Variants in WDFY4 observed in about 807,000 individuals in gnomAD.
WDFY4 encodes WDFY family member 4.
WDFY4 carries 169 observed loss-of-function variants against 351.9 expected under a neutral mutation model. The observed-to-expected ratio is 0.48, with a 90% CI of 0.42 to 0.55. The LOEUF (loss-of-function observed/expected upper bound fraction) is 0.55. Ranked by LOEUF, WDFY4 falls within the 20% of genes least tolerant of loss-of-function variation. The pLI is 0.00. For missense variants in WDFY4, 3,803 were observed against 3,935.6 expected (o/e 0.97, Z 0.90); for synonymous variants, 1,622 against 1,574.6 (o/e 1.03, Z -0.71).
chr10:48,833,017 G>T (rs565413364), intron 39 of WDFY4, among the ~76,000 whole-genome samples: 29 of 151,868 alleles, frequency 1.9e-4, no homozygotes, highest in Non-Finnish European at 3.8e-4. Context: ...GAGACACAGG[G>T]TTGGGCCACT....
intron 47 of WDFY4, among the ~76,000 whole-genome samples, chr10:48,922,172 A>C (rs1452747483): frequency 1.3e-5 from 2 of 152,198 alleles, no homozygotes; most frequent in Non-Finnish European, 2.9e-5. Context: ...TAAATGGAAA[A>C]CCCCAGAAAT....
At chr10:48,774,273 G>GC (rs781276515) in intron 13 of WDFY4, among the ~76,000 whole-genome samples, 185 bp from the exon 14 acceptor site, 77 of 136,026 alleles carry the variant, frequency 5.7e-4, no homozygotes, top group South Asian at 1.6e-3. Context: ...CCACAGACTT[G>GC]CCCCCCGCCA....
Position 48,731,572 on chromosome 10 carries a change from G to A in WDFY4, c.1582+10G>A. ...ATCATGAGGAAGTCAGGTGCCACTG[G>A]GTGCATTGGGAGGGATGGGCAGGGG... On this transcript the variant is annotated intron_variant, in intron 9 of 61. Transcript: ENST00000325239. The A allele has an allele frequency of 6.5e-7, 1 of 1,547,320 alleles. No homozygotes were observed.
chr10:48,903,866 G>T (rs1260778901), intron 47 of WDFY4, among the ~76,000 whole-genome samples: 2 of 152,220 alleles, frequency 1.3e-5, no homozygotes, highest in Non-Finnish European at 2.9e-5. Flanking sequence ...GATGCACATG[G>T]AAAAGAGATC....
intron 35 of WDFY4, among the ~76,000 whole-genome samples, chr10:48,825,462 TGGG>T (rs2067962106): frequency 6.6e-6 from 1 of 152,232 alleles, no homozygotes; most frequent in Admixed American, 6.5e-5. Context: ...TATGTTCCTT[TGGG>T]TATATACCCA....
chr10:48,883,621 C>G (rs2070343821), intron 43 of WDFY4, among the ~76,000 whole-genome samples: 1 of 152,196 alleles, frequency 6.6e-6, no homozygotes, highest in African/African-American at 2.4e-5. Flanking sequence ...CCCACTCCTC[C>G]TCCCCTACCG....
At chr10:48,715,249 T>C (rs1036053107) in intron 2 of WDFY4, among the ~76,000 whole-genome samples, 1 of 152,242 alleles carries the variant, frequency 6.6e-6, no homozygotes, top group African/African-American at 2.4e-5. Context: ...GTGTCCCTGC[T>C]GAGCCCTGCC....
Position 48,953,794 on chromosome 10 carries a change from A to T in WDFY4, c.7978-3335A>T, listed in dbSNP as rs575657306. 1.1e-4 allele frequency among the ~76,000 whole-genome samples: 16 copies of T among 152,360 alleles called. No individual in the cohort carries two copies. The South Asian group carries it at 3.3e-3, about 32-fold the overall frequency. ...CATCTTGGTTTCCTTCAGCATGTGC[A>T]GTTACTGAATTTCCTGTGAATGTGG... On this transcript the variant is annotated intron_variant, in intron 51 of 61. Coordinates refer to ENST00000325239, the MANE Select transcript of WDFY4 (RefSeq NM_001394531.1).
chr10:48,859,289 C>T (rs920715235), intron 39 of WDFY4, among the ~76,000 whole-genome samples: 2 of 152,056 alleles, frequency 1.3e-5, no homozygotes, highest in African/African-American at 4.8e-5. Flanking sequence ...GACCTCTTTA[C>T]TTTATTCCAA....
At chr10:48,752,714 T>C (rs540318142) in intron 12 of WDFY4, among the ~76,000 whole-genome samples, 1 of 152,376 alleles carries the variant, frequency 6.6e-6, no homozygotes, top group South Asian at 2.1e-4. Context: ...CAGTACTTCT[T>C]TCCTTTTTAC....
intron 47 of WDFY4, among the ~76,000 whole-genome samples, chr10:48,923,496 G>GTATT (rs1839280373): frequency 1.6e-5 from 1 of 63,212 alleles, no homozygotes; most frequent in Non-Finnish European, 4.2e-5. Flanking sequence ...ATAGTTTTTA[G>GTATT]TATATATATA....
chr10:48,891,399 A>C (rs553401909), intron 44 of WDFY4, among the ~76,000 whole-genome samples: 1 of 152,338 alleles, frequency 6.6e-6, no homozygotes, highest in African/African-American at 2.4e-5. Flanking sequence ...TTATTGTGCA[A>C]TTCTCCTGTG....
chr10:48,925,225 T>A (rs560760033), intron 47 of WDFY4, among the ~76,000 whole-genome samples: 1 of 152,346 alleles, frequency 6.6e-6, no homozygotes, highest in Non-Finnish European at 1.5e-5. Flanking sequence ...AACTGTGACC[T>A]CCCGAGTGGC....
chr10:48,722,212 C>T (rs578180178), intron 4 of WDFY4, among the ~76,000 whole-genome samples: 15 of 152,184 alleles, frequency 9.9e-5, no homozygotes, highest in Non-Finnish European at 7.3e-5. Context: ...GAAGGGAGGA[C>T]CTCCTGACAC....
intron 52 of WDFY4, among the ~76,000 whole-genome samples, chr10:48,958,267 C>T (rs1841699817): frequency 6.6e-6 from 1 of 152,152 alleles, no homozygotes; most frequent in African/African-American, 2.4e-5. Flanking sequence ...AACCTGGGGA[C>T]CTTGGTGGTG....
intron 47 of WDFY4, among the ~76,000 whole-genome samples, chr10:48,935,603 T>C (rs1308751126): frequency 6.6e-6 from 1 of 152,234 alleles, no homozygotes; most frequent in African/African-American, 2.4e-5. Flanking sequence ...TGCTCTTTGG[T>C]TTTTGAGAGG....
At position 48,799,641 on chromosome 10, in the gene WDFY4, C is replaced by A. The variant is rs73310032; in HGVS notation, c.4410+3191C>A. On this transcript the variant is annotated intron_variant, in intron 24 of 61. Transcript: ENST00000325239. ...TACAAAAATTAGGTGGGCATAGTTG[C>A]GGGCGCCTGTAATCCCAGCTAGTCG... Among the ~76,000 whole-genome samples the A allele has an allele frequency of 2.8e-3, 426 of 152,132 alleles. 1 individual carries two copies. The highest frequency in any genetic ancestry group is 9.8e-3 in the African/African-American group (406 of 41,528).
At chr10:48,825,038 T>C (rs566411996) in intron 35 of WDFY4, among the ~76,000 whole-genome samples, 3 of 152,360 alleles carry the variant, frequency 2.0e-5, no homozygotes, top group Admixed American at 1.3e-4. Context: ...AGTGGTTTGC[T>C]GCACCTATCA....
At chr10:48,910,935 T>C in intron 47 of WDFY4, 1 of 984,008 alleles carries the variant, frequency 1.0e-6, no homozygotes, top group Non-Finnish European at 1.2e-6. Context: ...TGCTGAACCT[T>C]TTGAATACCT....
Sources: allele counts gnomAD v4.1 joint callset (sites outside exome capture counted in the v4.1 genomes callset), GRCh38; gene constraint gnomAD v4.1.1; transcripts MANE v1.5; gene names NCBI Gene and HGNC (gene_info 2026-07-23, HGNC 2026-07-21).